GREM2: variants seen among roughly 807,000 people sequenced by gnomAD.
GREM2 encodes gremlin 2, DAN family BMP antagonist.
GREM2 carries 11 observed loss-of-function variants against 14.2 expected under a neutral mutation model. The observed-to-expected ratio is 0.78, with a 90% confidence interval of 0.49 to 1.28. GREM2 has a LOEUF of 1.28. GREM2 is among the 50% of genes most tolerant of loss of function. The pLI, the probability that GREM2 is intolerant of heterozygous loss-of-function variation, is 0.00. For synonymous variants in GREM2, 98 were observed against 97.6 expected (o/e 1.00, Z -0.02); for missense variants, 210 against 218.5 (o/e 0.96, Z 0.24).
chr1:240,532,064 A>G (rs575419034), intron 1 of GREM2, among the ~76,000 whole-genome samples: 1 of 151,784 alleles, frequency 6.6e-6, no homozygotes, highest in African/African-American at 2.4e-5. Context: ...AGGATTTGGA[A>G]CTAAATTATT....
chr1:240,571,608 A>C (rs1203732068), intron 1 of GREM2, among the ~76,000 whole-genome samples: 1 of 152,124 alleles, frequency 6.6e-6, no homozygotes, highest in Non-Finnish European at 1.5e-5. Flanking sequence ...AGGCAGGAGA[A>C]TCTCTTTTGT....
At chr1:240,573,296 A>G (rs1679294542) in intron 1 of GREM2, among the ~76,000 whole-genome samples, 1 of 151,024 alleles carries the variant, frequency 6.6e-6, no homozygotes, top group Non-Finnish European at 1.5e-5. Context: ...CCTCGTCTCT[A>G]TTTTTTTTTC....
rs183961203 is a variant in GREM2 at position 240,494,942 on chromosome 1, T to C, written c.-1-1466A>G. ...ATAAAAAAATAGAAATTTCCCTAGC[T>C]GTATTAAAACTGTCTGATGACAATG... On this transcript the variant is annotated intron_variant, in intron 1 of 1. Coordinates refer to ENST00000318160, the MANE Select transcript of GREM2 (RefSeq NM_022469.4). Among the ~76,000 whole-genome samples the C allele has an allele frequency of 5.1e-3, 782 of 152,274 alleles. 3 individuals carry two copies. Among genetic ancestry groups the C allele is most frequent in the African/African-American group, 0.018 (738 of 41,550 alleles).
chr1:240,610,168 T>G (rs1680106025), intron 1 of GREM2, among the ~76,000 whole-genome samples: 1 of 152,178 alleles, frequency 6.6e-6, no homozygotes, highest in Non-Finnish European at 1.5e-5. Flanking sequence ...GCTATTTTAT[T>G]TATAAAAGAT....
At chr1:240,513,419 A>G (rs951268421) in intron 1 of GREM2, among the ~76,000 whole-genome samples, 3 of 152,034 alleles carry the variant, frequency 2.0e-5, no homozygotes, top group Non-Finnish European at 4.4e-5. Context: ...TACTAAAAAT[A>G]TACAAATTAG....
intron 1 of GREM2, among the ~76,000 whole-genome samples, chr1:240,609,199 C>T (rs777524814): frequency 7.9e-5 from 12 of 152,002 alleles, no homozygotes; most frequent in South Asian, 2.1e-4. Context: ...TGCTTCCACC[C>T]GCTCACGTTC....
At chr1:240,520,112 T>C (rs1678049908) in intron 1 of GREM2, among the ~76,000 whole-genome samples, 1 of 151,958 alleles carries the variant, frequency 6.6e-6, no homozygotes, top group South Asian at 2.1e-4. Context: ...TAAAATAAAA[T>C]AAAATAGTCA....
intron 1 of GREM2, among the ~76,000 whole-genome samples, chr1:240,566,808 A>C (rs1188647782): frequency 6.6e-6 from 1 of 152,164 alleles, no homozygotes; most frequent in East Asian, 1.9e-4. Flanking sequence ...TCGATCACAG[A>C]TTACCAGGCA....
intron 1 of GREM2, among the ~76,000 whole-genome samples, chr1:240,522,772 A>G (rs915641776): frequency 6.6e-6 from 1 of 152,204 alleles, no homozygotes; most frequent in Non-Finnish European, 1.5e-5. Context: ...CCTTTCCAGG[A>G]AAGAACACTT....
intron 1 of GREM2, chr1:240,531,794 C>T (rs6670314): frequency 0.62 from 317,757 of 509,128 alleles, 100,444 homozygotes; most frequent in Non-Finnish European, 0.64. Flanking sequence ...CTGCAACCTC[C>T]GCCTCCTGTG....
At chr1:240,598,369 G>A (rs77803370) in intron 1 of GREM2, among the ~76,000 whole-genome samples, 7,190 of 152,256 alleles carry the variant, frequency 0.047, 212 homozygotes, top group Non-Finnish European at 0.071. Flanking sequence ...CTGGGAAAAT[G>A]TACAATCACT....
intron 1 of GREM2, among the ~76,000 whole-genome samples, chr1:240,609,592 A>C (rs1381048067): frequency 6.6e-6 from 1 of 152,088 alleles, no homozygotes; most frequent in Non-Finnish European, 1.5e-5. Context: ...CCTGGTTGAA[A>C]TAATTCTTTT....
rs1165881640 is a variant in GREM2, at chr1:240,543,138, C to T, written c.-1-49662G>A. Among the ~76,000 whole-genome samples, 1 of 152,238 alleles carries T rather than the reference C, an allele frequency of 6.6e-6. No homozygotes were observed. Among genetic ancestry groups the T allele is most frequent in the East Asian group, 1.9e-4 (1 of 5,176 alleles). ...GATTATTTGACTATTATTTTACATC[C>T]CCCATCAGATTGTGGATCACCTAAG... is the stretch of plus-strand genomic sequence containing the variant. On this transcript the variant is annotated intron_variant, in intron 1 of 1. Coordinates refer to ENST00000318160, the MANE Select transcript of GREM2 (RefSeq NM_022469.4). This position sits in a 1 kb window ranked among gnomAD's most constrained non-coding sequence, Gnocchi z 6.4.
At chr1:240,517,978 C>G (rs950694156) in intron 1 of GREM2, among the ~76,000 whole-genome samples, 12 of 152,106 alleles carry the variant, frequency 7.9e-5, no homozygotes, top group Admixed American at 6.5e-4. Context: ...ACACATAATG[C>G]CAGCAGAAAA....
chr1:240,602,819 A>C (rs1173621988), intron 1 of GREM2, among the ~76,000 whole-genome samples: 1 of 150,836 alleles, frequency 6.6e-6, no homozygotes, highest in African/African-American at 2.4e-5. Flanking sequence ...TCTCAAAAAA[A>C]ATCCAGCACT....
chr1:240,535,957 G>T (rs937022909), intron 1 of GREM2, among the ~76,000 whole-genome samples: 1 of 152,096 alleles, frequency 6.6e-6, no homozygotes, highest in African/African-American at 2.4e-5. Context: ...GAGTCAAGTG[G>T]AGTAAGATAA....
chr1:240,514,247 C>CAAAAAAAAAAAAAAA (rs34702912), intron 1 of GREM2, among the ~76,000 whole-genome samples: 1 of 80,284 alleles, frequency 1.2e-5, no homozygotes, highest in Non-Finnish European at 2.4e-5. Context: ...GATTCCATCT[C>CAAAAAAAAAAAAAAA]AAAAAAAAAA....
chr1:240,603,071 G>A (rs774108155), intron 1 of GREM2, among the ~76,000 whole-genome samples: 18 of 151,968 alleles, frequency 1.2e-4, no homozygotes, highest in Non-Finnish European at 2.1e-4. Context: ...GCGACAGAGC[G>A]AGACTCGTCT....
At chr1:240,581,065 C>CG (rs1558171230) in intron 1 of GREM2, among the ~76,000 whole-genome samples, 1 of 151,902 alleles carries the variant, frequency 6.6e-6, no homozygotes, top group Admixed American at 6.6e-5. Flanking sequence ...GCCTGGACAA[C>CG]GTGGTGAAAC....
Sources: gnomAD v4.1 joint callset for allele counts (sites outside exome capture counted in the v4.1 genomes callset) on GRCh38, gnomAD v4.1.1 for gene constraint, Gnocchi (gnomAD v3.1) non-coding constraint, MANE v1.5 for transcripts, NCBI Gene and HGNC (gene_info 2026-07-23, HGNC 2026-07-21) for gene names.